The following SFXN4 variants were observed in gnomAD, a reference collection of about 807,000 sequenced individuals.
The protein encoded by SFXN4 is sideroflexin-4.
In SFXN4, 48 loss-of-function variants were observed where a neutral mutation model predicts 54.6. That is an observed-to-expected ratio of 0.88 (90% confidence interval 0.70 to 1.12). The LOEUF is 1.12. Ranked by LOEUF, SFXN4 falls within the 50% of genes most tolerant of loss-of-function variation. The pLI is 0.00. For missense variants in SFXN4, 383 were observed against 409.2 expected, an observed-to-expected ratio of 0.94 and a Z score of 0.55; for synonymous variants, 130 against 145.5, an observed-to-expected ratio of 0.89 and a Z score of 0.77.
At chr10:119,164,267 G>GTT (rs756064561) in intron 1 of SFXN4, 71 bp from the exon 2 acceptor site, 25 of 550,416 alleles carry the variant, frequency 4.5e-5, no homozygotes, top group East Asian at 1.2e-4. Flanking sequence ...CTAACAGTTG[G>GTT]CTTTTTTTTT....
At chr10:119,148,113 A>G (rs566778150) in intron 11 of SFXN4, among the ~76,000 whole-genome samples, 3 of 152,154 alleles carry the variant, frequency 2.0e-5, no homozygotes, top group African/African-American at 7.2e-5. Context: ...CGGATTTTGC[A>G]GTGAGCCAAG....
chr10:119,145,646 G>A (rs1846761195), intron 13 of SFXN4, among the ~76,000 whole-genome samples: 1 of 151,824 alleles, frequency 6.6e-6, no homozygotes, highest in Non-Finnish European at 1.5e-5. Flanking sequence ...TTTATTGTAG[G>A]AATACAGTAT....
chr10:119,148,273 T>C (rs1253241352), intron 11 of SFXN4, among the ~76,000 whole-genome samples: 1 of 152,086 alleles, frequency 6.6e-6, no homozygotes, highest in African/African-American at 2.4e-5. Flanking sequence ...AGAAAAAGAA[T>C]GCCCGTGGAG....
At chr10:119,162,230 A>G (rs780965905) in intron 3 of SFXN4, 110 bp downstream of exon 3, 10 of 830,428 alleles carry the variant, frequency 1.2e-5, no homozygotes, top group Non-Finnish European at 2.0e-5. Context: ...AGGAAAAAAG[A>G]AAGAAAAGAG....
At position 119,165,630 on chromosome 10, in the gene SFXN4, C is replaced by T. The variant is rs138503057; in HGVS notation, c.18G>A (p.Glu6=). 4,359 of 1,591,046 alleles carry T rather than the reference C, an allele frequency of 2.7e-3. 13 individuals are homozygous for T. Among genetic ancestry groups the T allele is most frequent in the South Asian group, 3.8e-3 (347 of 90,216 alleles). Residue 6 remains glutamate, a synonymous_variant, in exon 1 of 14, where the codon GAG becomes GAA. Coordinates refer to ENST00000355697, the MANE Select transcript of SFXN4 (RefSeq NM_213649.2). ...GGAGCCGCCCAGGTTGCGTTTCCTC[C>T]TCCTGTTCCAGGGACATTTTGCGCT... MSLEQ[E]EETQPGRLLG... is the part of the protein sequence containing the mutation.
chr10:119,141,512 T>C (rs888829887), intron 13 of SFXN4, among the ~76,000 whole-genome samples, 193 bp from the exon 14 acceptor site: 2 of 148,106 alleles, frequency 1.4e-5, no homozygotes, highest in Non-Finnish European at 3.0e-5. Flanking sequence ...TTAAACTTTT[T>C]TTTTTTTTTT....
intron 10 of SFXN4, 113 bp from the exon 11 acceptor site, chr10:119,155,290 C>G: frequency 1.4e-6 from 1 of 719,496 alleles, no homozygotes; most frequent in South Asian, 1.7e-5. Context: ...GACAGCTGGC[C>G]TTTCTTGACC....
chr10:119,144,874 A>G (rs1403626634), intron 13 of SFXN4, among the ~76,000 whole-genome samples: 1 of 152,204 alleles, frequency 6.6e-6, no homozygotes, highest in African/African-American at 2.4e-5. Context: ...TGGCTACCAT[A>G]ATTGGACAGC....
At position 119,153,092 on chromosome 10, in the gene SFXN4, A is replaced by G. The variant is rs116442650; in HGVS notation, c.732+1970T>C. On this transcript the variant is annotated intron_variant, in intron 11 of 13. Transcript: ENST00000355697. Reference sequence around the variant, plus strand: ...CAGGTTCTCACGGCTGAATGCACTCAGTAGTCACTGTGTTGAACTGAACAA... The same window carrying G: ...CAGGTTCTCACGGCTGAATGCACTCGGTAGTCACTGTGTTGAACTGAACAA... Among the ~76,000 whole-genome samples the G allele has an allele frequency of 7.3e-3, 1,112 of 152,280 alleles. 18 individuals are homozygous for G. The highest frequency in any genetic ancestry group is 0.025 in the African/African-American group (1,059 of 41,542).
At chr10:119,161,632 C>T (rs1360356523) in intron 3 of SFXN4, among the ~76,000 whole-genome samples, 1 of 152,066 alleles carries the variant, frequency 6.6e-6, no homozygotes, top group Non-Finnish European at 1.5e-5. Flanking sequence ...AAGAGACGAG[C>T]CACACAGAGA....
chr10:119,147,178 C>T (rs1486379370), intron 12 of SFXN4, among the ~76,000 whole-genome samples: 2 of 152,138 alleles, frequency 1.3e-5, no homozygotes, highest in African/African-American at 4.8e-5. Flanking sequence ...GGGAGGCGCG[C>T]CCAGCAGGGG....
At chr10:119,153,357 C>T (rs1000955792) in intron 11 of SFXN4, among the ~76,000 whole-genome samples, 5 of 137,038 alleles carry the variant, frequency 3.6e-5, no homozygotes, top group Admixed American at 7.7e-5. Context: ...GCTGTAGAGC[C>T]GTGATCACAC....
chr10:119,142,418 A>T (rs1209721964), intron 13 of SFXN4, among the ~76,000 whole-genome samples: 1 of 152,110 alleles, frequency 6.6e-6, no homozygotes, highest in Non-Finnish European at 1.5e-5. Context: ...TTGATATAGT[A>T]CTTGATATAG....
chr10:119,149,114 T>C (rs1237393775), intron 11 of SFXN4, among the ~76,000 whole-genome samples: 1 of 152,156 alleles, frequency 6.6e-6, no homozygotes, highest in Non-Finnish European at 1.5e-5. Context: ...CCCGACTTCC[T>C]GGCCTCACGC....
Position 119,140,969 on chromosome 10 carries a change from A to C in SFXN4, c.*273T>G, listed in dbSNP as rs1383022559. 1.1e-5 allele frequency: 4 copies of C among 351,486 alleles called. No individual in the cohort carries two copies. The highest frequency in any genetic ancestry group is 2.1e-5 in the African/African-American group (1 of 47,312). The allele number at this position is 351,486 out of a possible 1,614,324, so 21.8% of individuals were successfully genotyped here. The stretch of plus-strand genomic sequence containing the variant: ...TTTATTAGTTAATTAGTGATTTCAC[A>C]GTATCCTTTCGCAGGCCGATCCCCA... On this transcript the variant is annotated 3_prime_UTR_variant, in exon 14 of 14. Coordinates refer to ENST00000355697, the MANE Select transcript of SFXN4 (RefSeq NM_213649.2).
intron 13 of SFXN4, among the ~76,000 whole-genome samples, chr10:119,144,530 TTTGG>T: frequency 6.6e-6 from 1 of 151,504 alleles, no homozygotes; most frequent in Middle Eastern, 3.4e-3. Context: ...ATGGCAGAGC[TTTGG>T]AAATTAAAAA....
intron 13 of SFXN4, among the ~76,000 whole-genome samples, chr10:119,141,863 C>T (rs1386334925): frequency 2.0e-5 from 3 of 151,956 alleles, no homozygotes; most frequent in Non-Finnish European, 2.9e-5. Flanking sequence ...ACAAAAAATA[C>T]AAAAATTAGC....
At chr10:119,162,288 C>G in intron 3 of SFXN4, 52 bp downstream of exon 3, 1 of 1,434,530 alleles carries the variant, frequency 7.0e-7, no homozygotes, top group Non-Finnish European at 9.8e-7. Flanking sequence ...TCAGACCATG[C>G]AGGCAGAACC....
At chr10:119,143,776 C>A (rs1185139279) in intron 13 of SFXN4, among the ~76,000 whole-genome samples, 1 of 152,114 alleles carries the variant, frequency 6.6e-6, no homozygotes. Flanking sequence ...AGCACCCGAC[C>A]TAATTTTTAG....
Sources: gnomAD v4.1 joint callset for allele counts (sites outside exome capture counted in the v4.1 genomes callset) on GRCh38, gnomAD v4.1.1 for gene constraint, MANE v1.5 for transcripts, NCBI Gene and HGNC (gene_info 2026-07-23, HGNC 2026-07-21) for gene names.